MYO9B: variants seen among roughly 807,000 people sequenced by gnomAD.
MYO9B encodes the protein myosin IXB, also known as unconventional myosin-IXb.
Under a neutral mutation model 229.5 loss-of-function variants are expected in MYO9B, and 71 were observed. The observed-to-expected ratio is 0.31, with a 90% confidence interval of 0.26 to 0.38. The LOEUF (loss-of-function observed/expected upper bound fraction) is 0.38. MYO9B is among the 10% of genes least tolerant of loss of function. The pLI is 1.00. For synonymous variants in MYO9B, 1,185 were observed against 1,235.8 expected (o/e 0.96, Z 0.86); for missense variants, 2,255 against 2,920.5 (o/e 0.77, Z 5.25).
At chr19:17,186,055 G>T in intron 18 of MYO9B, 54 bp downstream of exon 18, 2 of 1,524,324 alleles carry the variant, frequency 1.3e-6, no homozygotes, top group Non-Finnish European at 1.8e-6. Flanking sequence ...ACTCTTAGGG[G>T]TGTCGGTGTC....
intron 2 of MYO9B, among the ~76,000 whole-genome samples, chr19:17,132,973 G>A (rs900701664): frequency 6.6e-6 from 1 of 151,466 alleles, no homozygotes; most frequent in Non-Finnish European, 1.5e-5. Flanking sequence ...TCAACCTCCC[G>A]AGTAGCTGGA....
chr19:17,206,615 G>T, intron 33 of MYO9B, 64 bp from the exon 34 acceptor site: 2 of 1,429,668 alleles, frequency 1.4e-6, no homozygotes, highest in Non-Finnish European at 9.6e-7. Context: ...GGTCGTGTTG[G>T]TGGGGACAAC....
chr19:17,125,418 G>A (rs1446671538), intron 2 of MYO9B, among the ~76,000 whole-genome samples: 1 of 151,294 alleles, frequency 6.6e-6, no homozygotes, highest in East Asian at 1.9e-4. Flanking sequence ...GGTTTGTTCT[G>A]TATTCTTTCT....
chr19:17,212,550 C>G lies in MYO9B; in HGVS notation c.*240C>G, dbSNP rs2073243765. The G allele has an allele frequency of 2.2e-6, 1 of 453,896 alleles. No homozygotes were observed. The highest frequency in any genetic ancestry group is 3.9e-6 in the Non-Finnish European group (1 of 258,810). 28.1% of individuals were successfully genotyped at this position (453,896 alleles called of 1,614,324 possible). On this transcript the variant is annotated 3_prime_UTR_variant, in exon 40 of 40. Coordinates refer to ENST00000682292, the MANE Select transcript of MYO9B (RefSeq NM_004145.4). The surrounding 1 kb of genome is among the most constrained non-coding windows in gnomAD (Gnocchi z 5.4). ...CGCACCTGTGGGGAGCACCACATCT[C>G]CACCTGCGGCCTCACATCTCCCCAC...
chr19:17,100,264 G>GT (rs1310616088), intron 1 of MYO9B, among the ~76,000 whole-genome samples: 1 of 152,006 alleles, frequency 6.6e-6, no homozygotes, highest in East Asian at 1.9e-4. Flanking sequence ...GAGGTCAGGA[G>GT]TTTGAGACCA....
At chr19:17,145,831 A>G (rs1267963528) in intron 3 of MYO9B, among the ~76,000 whole-genome samples, 2 of 152,160 alleles carry the variant, frequency 1.3e-5, no homozygotes, top group Non-Finnish European at 2.9e-5. Flanking sequence ...GCCTTTGCCA[A>G]ACATGTGCTC....
At chr19:17,191,642 C>T (rs561012639) in intron 20 of MYO9B, among the ~76,000 whole-genome samples, 51 of 152,030 alleles carry the variant, frequency 3.4e-4, no homozygotes, top group Non-Finnish European at 4.7e-4. Flanking sequence ...GTTTAACAAG[C>T]GCCAAGGTCA....
chr19:17,173,366 G>A (rs7507290), intron 13 of MYO9B, among the ~76,000 whole-genome samples: 9,279 of 141,168 alleles, frequency 0.066, 378 homozygotes, highest in Non-Finnish European at 0.095. Flanking sequence ...GTGTAATGAC[G>A]CAATCTCGGC....
At chr19:17,096,933 G>A (rs1231939479) in intron 1 of MYO9B, among the ~76,000 whole-genome samples, 3 of 150,558 alleles carry the variant, frequency 2.0e-5, no homozygotes, top group Admixed American at 6.6e-5. Flanking sequence ...CTCGTGATCC[G>A]CCCGCCTCTG....
chr19:17,154,361 A>G lies in MYO9B; in HGVS notation c.1145A>G (p.Glu382Gly). Residue 382 changes from glutamate (E) to glycine (G), a missense_variant, in exon 6 of 40, where the codon GAG becomes GGG. Transcript: ENST00000682292. ...EDGEDLKHDF[E>G]RLKQAMEMVG... ...GGGGAGGACCTGAAGCATGACTTTG[A>G]GAGGCTCAAGCAGGCCATGGAGATG... 1 of 1,613,374 alleles carries G rather than the reference A, an allele frequency of 6.2e-7. No homozygotes were observed. The highest frequency in any genetic ancestry group is 8.5e-7 in the Non-Finnish European group (1 of 1,179,450).
intron 2 of MYO9B, among the ~76,000 whole-genome samples, chr19:17,133,666 G>A (rs763981113): frequency 2.0e-5 from 3 of 151,986 alleles, no homozygotes; most frequent in Non-Finnish European, 2.9e-5. Flanking sequence ...TGCCCAGGCT[G>A]GTCTCAAACT....
At chr19:17,120,305 G>A (rs1005206413) in intron 2 of MYO9B, among the ~76,000 whole-genome samples, 1 of 152,168 alleles carries the variant, frequency 6.6e-6, no homozygotes, top group African/African-American at 2.4e-5. Flanking sequence ...CACCGCTACT[G>A]CCCCTTTTCA....
At chr19:17,173,080 C>A (rs2145363872) in intron 13 of MYO9B, 117 bp downstream of exon 13, 1 of 1,222,568 alleles carries the variant, frequency 8.2e-7, no homozygotes, top group Non-Finnish European at 1.1e-6. Flanking sequence ...GTTGTGCAAA[C>A]GCCACCTGTC....
At chr19:17,137,429 T>A (rs2072284937) in intron 2 of MYO9B, among the ~76,000 whole-genome samples, 1 of 151,876 alleles carries the variant, frequency 6.6e-6, no homozygotes, top group African/African-American at 2.4e-5. Context: ...CAACAAGAGG[T>A]GAGCAAGGCT....
intron 1 of MYO9B, among the ~76,000 whole-genome samples, chr19:17,092,323 G>A (rs113415726): frequency 0.011 from 1,742 of 152,356 alleles, 20 homozygotes; most frequent in African/African-American, 0.039. Flanking sequence ...GTCACAGGAC[G>A]GGCCAACTCT....
chr19:17,179,905 AAAATAAAAT>A, intron 14 of MYO9B, among the ~76,000 whole-genome samples: 1 of 147,682 alleles, frequency 6.8e-6, no homozygotes, highest in African/African-American at 2.5e-5. Context: ...TTTCCAAAAA[AAAATAAAAT>A]AAAAATAAAA....
intron 2 of MYO9B, among the ~76,000 whole-genome samples, chr19:17,107,666 C>T (rs1469606699): frequency 6.6e-6 from 1 of 152,228 alleles, no homozygotes; most frequent in Non-Finnish European, 1.5e-5. Context: ...CTGGTGGCTG[C>T]AGATGTGCCC....
chr19:17,098,576 A>C (rs2057714580), intron 1 of MYO9B, among the ~76,000 whole-genome samples: 1 of 152,138 alleles, frequency 6.6e-6, no homozygotes, highest in Non-Finnish European at 1.5e-5. Context: ...CCAAGCCCCT[A>C]GGTGGGCTGG....
At chr19:17,122,748 A>G (rs1017399167) in intron 2 of MYO9B, among the ~76,000 whole-genome samples, 5 of 152,154 alleles carry the variant, frequency 3.3e-5, no homozygotes, top group African/African-American at 4.8e-5. Flanking sequence ...AGGTTCAACC[A>G]TGGTGGACAG....
Sources: allele counts gnomAD v4.1 joint callset (sites outside exome capture counted in the v4.1 genomes callset), GRCh38; gene constraint gnomAD v4.1.1; non-coding constraint Gnocchi (gnomAD v3.1); transcripts MANE v1.5; gene names NCBI Gene and HGNC (gene_info 2026-07-23, HGNC 2026-07-21).